The following NADSYN1 variants were observed in gnomAD, a reference collection of about 807,000 sequenced individuals.
NADSYN1 encodes NAD synthetase 1, also known as glutamine-dependent NAD(+) synthetase.
In NADSYN1, 80 loss-of-function variants were observed where a neutral mutation model predicts 99.3. The ratio of observed to expected loss-of-function variants is 0.81; its 90% CI spans 0.67 to 0.97. The LOEUF (loss-of-function observed/expected upper bound fraction) is 0.97. NADSYN1 is among the 50% of genes least tolerant of loss of function. NADSYN1 has a pLI of 0.00. For synonymous variants in NADSYN1, 385 were observed against 372.1 expected, an observed-to-expected ratio of 1.03 and a Z score of -0.40; for missense variants, 859 against 948.5, an observed-to-expected ratio of 0.91 and a Z score of 1.24.
intron 3 of NADSYN1, among the ~76,000 whole-genome samples, chr11:71,460,486 G>C (rs1417817741): frequency 6.6e-6 from 1 of 152,134 alleles, no homozygotes; most frequent in Non-Finnish European, 1.5e-5. Context: ...GAGTACCCGG[G>C]ACTACAGGTG....
chr11:71,477,108 C>A, intron 9 of NADSYN1: 2 of 1,127,496 alleles, frequency 1.8e-6, no homozygotes, highest in Non-Finnish European at 2.2e-6. Context: ...CCTTCTGCCT[C>A]CTGCTCAAGC....
In NADSYN1 at chr11:71,491,910, G is replaced by A. The variant is rs1417761719; in HGVS notation, c.1764+7G>A. The stretch of plus-strand genomic sequence containing the variant: ...GGTGTCCCAGACCGACGAGGTAATG[G>A]CGGTGGCTTTGCCATGATGCTTCCT... On this transcript the variant is annotated splice_region_variant and intron_variant, in intron 18 of 20. Transcript: ENST00000319023. 6.2e-7 allele frequency: 1 copy of A among 1,613,360 alleles called. No homozygotes were observed. The highest frequency in any genetic ancestry group is 2.2e-5 in the East Asian group (1 of 44,862).
At chr11:71,462,054 A>C (rs1366937136) in intron 3 of NADSYN1, among the ~76,000 whole-genome samples, 1 of 152,110 alleles carries the variant, frequency 6.6e-6, no homozygotes, top group Non-Finnish European at 1.5e-5. Flanking sequence ...ACCAGAAATA[A>C]AATTCTAAGG....
In NADSYN1 at chr11:71,465,348, G is replaced by A. The variant is rs114878800; in HGVS notation, c.407+1206G>A. ...GCAAGTAGAAGATGCACAGAAACATGGACTAGGGTCTCCATCCCCTGGTGC... is the reference window on the plus strand; with the variant it reads ...GCAAGTAGAAGATGCACAGAAACATAGACTAGGGTCTCCATCCCCTGGTGC... On this transcript the variant is annotated intron_variant, in intron 5 of 20. Transcript: ENST00000319023. Among the ~76,000 whole-genome samples, 1,374 of 152,238 alleles carry A rather than the reference G, an allele frequency of 9.0e-3. 21 individuals carry two copies. Among genetic ancestry groups the A allele is most frequent in the African/African-American group, 0.031 (1,307 of 41,534 alleles).
At chr11:71,454,619 C>T (rs1482529319) in intron 1 of NADSYN1, among the ~76,000 whole-genome samples, 1 of 152,170 alleles carries the variant, frequency 6.6e-6, no homozygotes, top group African/African-American at 2.4e-5. Flanking sequence ...TCCACTCTGC[C>T]AGCCTCTCCT....
intron 5 of NADSYN1, among the ~76,000 whole-genome samples, chr11:71,467,496 A>G (rs1949600296): frequency 6.6e-6 from 1 of 152,250 alleles, no homozygotes; most frequent in Admixed American, 6.5e-5. Flanking sequence ...AATAGAAGAT[A>G]AGTGTTCCTA....
At chr11:71,499,128 T>G (rs1313840966) in intron 20 of NADSYN1, 1 of 152,968 alleles carries the variant, frequency 6.5e-6, no homozygotes, top group Non-Finnish European at 1.5e-5. Context: ...ATTTCCTTCT[T>G]TCCTAAGGCT....
At position 71,482,032 on chromosome 11, in the gene NADSYN1, G is replaced by A. The variant is rs750944609; in HGVS notation, c.1150+7G>A. 1 of 1,605,168 alleles carries A rather than the reference G, an allele frequency of 6.2e-7. No homozygotes were observed. Among genetic ancestry groups the A allele is most frequent in the Admixed American group, 1.7e-5 (1 of 58,972 alleles). On this transcript the variant is annotated splice_region_variant and intron_variant, in intron 13 of 20. Coordinates refer to ENST00000319023, the MANE Select transcript of NADSYN1 (RefSeq NM_018161.5). ...GAGGCCGTGAGGAGTGGAAGTAGGT[G>A]ACATCTGTTGGCTTGAGGGAGGCTC...
At chr11:71,477,412 C>T in intron 9 of NADSYN1, 4 of 1,289,812 alleles carry the variant, frequency 3.1e-6, no homozygotes, top group Non-Finnish European at 4.0e-6. Flanking sequence ...AATCGGTCTC[C>T]TTGTCTTCAT....
At chr11:71,499,036 T>C (rs945046273) in intron 20 of NADSYN1, 1 of 154,334 alleles carries the variant, frequency 6.5e-6, no homozygotes. Flanking sequence ...AATCAGACCA[T>C]GCGGTATTTG....
chr11:71,462,089 G>C lies in NADSYN1; in HGVS notation c.264-1343G>C, dbSNP rs192839162. On this transcript the variant is annotated intron_variant, in intron 3 of 20. Coordinates refer to ENST00000319023, the MANE Select transcript of NADSYN1 (RefSeq NM_018161.5). ...GCCCTCCCAACCTTTTGAATGAACC[G>C]CTTCTCTCAGAGGGGCCCTCCAAGG... Among the ~76,000 whole-genome samples the C allele has an allele frequency of 7.2e-3, 1,101 of 152,198 alleles. 12 individuals carry two copies. The highest frequency in any genetic ancestry group is 0.012 in the South Asian group (59 of 4,812).
At chr11:71,480,976 C>A in intron 11 of NADSYN1, 97 bp downstream of exon 11, 1 of 1,526,878 alleles carries the variant, frequency 6.5e-7, no homozygotes. Flanking sequence ...TTTTCAGAAC[C>A]TGCCTGGGTG....
intron 11 of NADSYN1, 159 bp from the exon 12 acceptor site, chr11:71,481,195 CAT>C (rs1289264481): frequency 1.9e-5 from 14 of 747,276 alleles, no homozygotes; most frequent in Non-Finnish European, 2.7e-5. Context: ...TTCAGAATCA[CAT>C]GTGTCCCTTC....
chr11:71,474,112 T>A (rs1424986411), intron 8 of NADSYN1, among the ~76,000 whole-genome samples: 1 of 152,258 alleles, frequency 6.6e-6, no homozygotes, highest in Non-Finnish European at 1.5e-5. Flanking sequence ...TTTCTTTGGC[T>A]TGTCTGAACC....
At chr11:71,463,395 C>T (rs760554662) in intron 3 of NADSYN1, 37 bp from the exon 4 acceptor site, 30 of 1,581,902 alleles carry the variant, frequency 1.9e-5, no homozygotes, top group Middle Eastern at 1.7e-4. Flanking sequence ...GTTTCATAAC[C>T]GGGCAGACAC....
At chr11:71,463,573 TG>T in intron 4 of NADSYN1, 88 bp downstream of exon 4, 4 of 1,298,078 alleles carry the variant, frequency 3.1e-6, no homozygotes, top group Non-Finnish European at 4.4e-6. Flanking sequence ...GCTGGTGCCC[TG>T]GGGACCCGTT....
chr11:71,475,847 C>G (rs1397738766), intron 9 of NADSYN1, among the ~76,000 whole-genome samples: 1 of 152,098 alleles, frequency 6.6e-6, no homozygotes. Flanking sequence ...GTAGCTGGGA[C>G]TACAGACCCA....
rs1311258461 is a variant in NADSYN1, at chr11:71,498,409, A to T, written c.1951A>T (p.Thr651Ser). The T allele has an allele frequency of 6.2e-7, 1 of 1,614,186 alleles. No homozygotes were observed. Among genetic ancestry groups the T allele is most frequent in the South Asian group, 1.1e-5 (1 of 91,080 alleles). The stretch of plus-strand genomic sequence containing the variant: ...GTACTCCATGAACAGACACAAGATG[A>T]CCACGCTCACACCCGCGTACCACGC... Reference protein sequence around the residue: ...SKYSMNRHKMTTLTPAYHAEN... With the variant: ...SKYSMNRHKMSTLTPAYHAEN... The change falls in exon 20 of 21, where the codon ACC (threonine) becomes TCC (serine). Residue 651 changes from threonine to serine, a missense_variant. Physicochemically the swap from Thr to Ser is moderately conservative, Grantham distance 58. Transcript: ENST00000319023.
intron 7 of NADSYN1, 96 bp from the exon 8 acceptor site, chr11:71,473,473 G>A (rs774415823): frequency 1.3e-6 from 2 of 1,532,914 alleles, no homozygotes; most frequent in South Asian, 1.1e-5. Context: ...CGTGGCCGTG[G>A]GCTGGGAGCT....
Sources: gnomAD v4.1 joint callset for allele counts (sites outside exome capture counted in the v4.1 genomes callset) on GRCh38, gnomAD v4.1.1 for gene constraint, MANE v1.5 for transcripts, NCBI Gene and HGNC (gene_info 2026-07-23, HGNC 2026-07-21) for gene names.